DST: variants seen among roughly 807,000 people sequenced by gnomAD.
The protein encoded by DST is dystonin.
A neutral mutation model predicts 875.2 loss-of-function variants in DST; 253 were observed. The ratio of observed to expected loss-of-function variants is 0.29; its 90% CI spans 0.26 to 0.32. The LOEUF is 0.32. DST is among the 10% of genes least tolerant of loss of function. The pLI is 1.00. For synonymous variants in DST, 3,124 were observed against 3,197.1 expected (o/e 0.98, Z 0.77); for missense variants, 8,287 against 9,111.6 (o/e 0.91, Z 3.68).
In DST at chr6:56,640,274, A is replaced by G; in HGVS notation, c.2359T>C (p.Leu787=). Residue 787 remains leucine, a synonymous_variant, in exon 18 of 104, where the codon TTG becomes CTG. Transcript: ENST00000680361. ...NFSSGVEPNS[L]QTLKLMQIRK... ...ATCTGCATCAACTTCAAAGTTTGCA[A>G]TGAATTTGGCTCTACTCCTGAACTG... 3 of 1,614,174 alleles carry G rather than the reference A, an allele frequency of 1.9e-6. No homozygotes were observed. Among genetic ancestry groups the G allele is most frequent in the Non-Finnish European group, 1.7e-6 (2 of 1,180,000 alleles).
chr6:56,818,500 G>A (rs1036404475), intron 4 of DST, among the ~76,000 whole-genome samples: 8 of 152,110 alleles, frequency 5.3e-5, no homozygotes, highest in Non-Finnish European at 1.2e-4. Flanking sequence ...CTTTTCCATA[G>A]TAAACACCCC....
chr6:56,464,552 G>A, intron 100 of DST, 133 bp downstream of exon 100: 1 of 672,616 alleles, frequency 1.5e-6, no homozygotes, highest in Non-Finnish European at 2.6e-6. Flanking sequence ...GGAAGCACCA[G>A]CTCAGCTGGA....
intron 2 of DST, among the ~76,000 whole-genome samples, chr6:56,906,076 C>T (rs1399300027): frequency 6.6e-6 from 1 of 152,172 alleles, no homozygotes; most frequent in Non-Finnish European, 1.5e-5. Flanking sequence ...CTGATTCCAA[C>T]CCCTTTGTAC....
At chr6:56,789,808 T>C (rs1429321510) in intron 4 of DST, among the ~76,000 whole-genome samples, 1 of 152,222 alleles carries the variant, frequency 6.6e-6, no homozygotes, top group Non-Finnish European at 1.5e-5. Flanking sequence ...CTGAAGATAT[T>C]CCATTGTATG....
At chr6:56,462,937 C>A in intron 102 of DST, 109 bp downstream of exon 102, 1 of 588,288 alleles carries the variant, frequency 1.7e-6, no homozygotes, top group Non-Finnish European at 3.0e-6. Context: ...TATAAAAAGA[C>A]ATAGGGTTAG....
intron 10 of DST, among the ~76,000 whole-genome samples, chr6:56,657,366 G>A (rs998905349): frequency 1.3e-5 from 2 of 152,096 alleles, no homozygotes; most frequent in African/African-American, 4.8e-5. Context: ...TTTTATGTTT[G>A]CCCAACTCTG....
Position 56,532,463 on chromosome 6 carries a change from G to A in DST, c.16989C>T (p.Ile5663=). The change falls in exon 64 of 104, where the codon ATC becomes ATT. Residue 5663 remains isoleucine (I), a synonymous_variant. Coordinates refer to ENST00000680361, the MANE Select transcript of DST (RefSeq NM_001374736.1). ...LDDRKSTVEV[I]KREGEKIATT... ...TAGCAATTTTTTCTCCTTCTCGTTT[G>A]ATTACCTCCACCGTAGATTTTCGGT... 6.2e-7 allele frequency: 1 copy of A among 1,610,492 alleles called. No individual in the cohort carries two copies. Among genetic ancestry groups the A allele is most frequent in the Non-Finnish European group, 8.5e-7 (1 of 1,178,168 alleles).
chr6:56,754,281 T>C lies in DST; in HGVS notation c.626-18992A>G, dbSNP rs141977486. On this transcript the variant is annotated intron_variant, in intron 4 of 103. Coordinates refer to ENST00000680361, the MANE Select transcript of DST (RefSeq NM_001374736.1). ...GTAGATGCTAACCTTTTAAAAAGTG[T>C]AAACAAAATAAGTAACATTCATAAT... 2.4e-4 allele frequency among the ~76,000 whole-genome samples: 37 copies of C among 152,296 alleles called. 1 individual carries two copies. The East Asian group carries it at 6.9e-3, about 29-fold the overall frequency.
At chr6:56,720,584 T>G (rs1227830817) in intron 5 of DST, among the ~76,000 whole-genome samples, 1 of 152,176 alleles carries the variant, frequency 6.6e-6, no homozygotes, top group Non-Finnish European at 1.5e-5. Context: ...TTCAAGCATC[T>G]GTTTAACAAA....
intron 69 of DST, among the ~76,000 whole-genome samples, chr6:56,520,815 G>T (rs949138718): frequency 6.6e-6 from 1 of 151,882 alleles, no homozygotes; most frequent in Admixed American, 6.6e-5. Context: ...TTCTCTCTTC[G>T]ATATAATACT....
intron 4 of DST, among the ~76,000 whole-genome samples, chr6:56,824,007 C>A (rs936270743): frequency 6.6e-6 from 1 of 152,132 alleles, no homozygotes; most frequent in Non-Finnish European, 1.5e-5. Context: ...GCCTCTGCCT[C>A]TCCCCACGGT....
At chr6:56,940,292 TA>T (rs1053188221) in intron 2 of DST, among the ~76,000 whole-genome samples, 2 of 151,706 alleles carry the variant, frequency 1.3e-5, no homozygotes, top group African/African-American at 2.4e-5. Flanking sequence ...TGGATATATA[TA>T]AAAATATGTA....
chr6:56,556,742 T>C lies in DST; in HGVS notation c.14640+577A>G, dbSNP rs111674839. Among the ~76,000 whole-genome samples, 961 of 152,256 alleles carry C rather than the reference T, an allele frequency of 6.3e-3. 9 individuals are homozygous for C. The highest frequency in any genetic ancestry group is 0.022 in the African/African-American group (920 of 41,546). ...AAACATTAAACATTAAAAATAAAAC[T>C]CATTTTTTTGGATTTTTTTCCCTTG... On this transcript the variant is annotated intron_variant, in intron 59 of 103. Transcript: ENST00000680361.
intron 4 of DST, among the ~76,000 whole-genome samples, chr6:56,815,817 GA>G (rs5876521): frequency 1 from 152,084 of 152,176 alleles, 75,996 homozygotes; most frequent in Middle Eastern, 1. Flanking sequence ...TATATTAAAT[GA>G]AAAAAAACAC....
intron 4 of DST, among the ~76,000 whole-genome samples, chr6:56,766,813 G>A (rs1042291334): frequency 2.0e-5 from 3 of 152,154 alleles, no homozygotes; most frequent in Non-Finnish European, 4.4e-5. Context: ...TTACAGGCAT[G>A]AGCCACCGCA....
At chr6:56,803,608 A>G (rs1172197219) in intron 4 of DST, among the ~76,000 whole-genome samples, 1 of 152,170 alleles carries the variant, frequency 6.6e-6, no homozygotes, top group East Asian at 1.9e-4. Context: ...ATATGAGGAG[A>G]TGCTTTTCCA....
chr6:56,895,986 C>T (rs1209374429), intron 3 of DST, among the ~76,000 whole-genome samples: 1 of 58,560 alleles, frequency 1.7e-5, no homozygotes, highest in Non-Finnish European at 3.1e-5. Flanking sequence ...AGCTTTGGCT[C>T]GGCATGAGAG....
At chr6:56,566,743 T>C (rs1396127842) in intron 55 of DST, among the ~76,000 whole-genome samples, 2 of 152,304 alleles carry the variant, frequency 1.3e-5, no homozygotes, top group South Asian at 4.1e-4. Context: ...TGTTGAACAA[T>C]GCATACATGA....
intron 4 of DST, among the ~76,000 whole-genome samples, chr6:56,789,131 G>A (rs1445199101): frequency 6.6e-6 from 1 of 152,134 alleles, no homozygotes; most frequent in Non-Finnish European, 1.5e-5. Flanking sequence ...GATCCCTTGA[G>A]ACTAGCCTCA....
Sources: allele counts gnomAD v4.1 joint callset (sites outside exome capture counted in the v4.1 genomes callset), GRCh38; gene constraint gnomAD v4.1.1; transcripts MANE v1.5; gene names NCBI Gene and HGNC (gene_info 2026-07-23, HGNC 2026-07-21).